Variants in PLD5 observed in about 807,000 individuals in gnomAD.
PLD5 encodes the protein phospholipase D family member 5.
In PLD5, 36 loss-of-function variants were observed where a neutral mutation model predicts 61.1. That is an observed-to-expected ratio of 0.59 (90% CI 0.45 to 0.78). The LOEUF is 0.78. Ranked by LOEUF, PLD5 falls within the 30% of genes least tolerant of loss-of-function variation. The pLI is 0.00. For missense variants in PLD5, 515 were observed against 644.4 expected (o/e 0.80, Z 2.17); for synonymous variants, 243 against 242.8 (o/e 1.00, Z -0.01).
chr1:242,173,081 G>A (rs1208958740), intron 5 of PLD5, among the ~76,000 whole-genome samples: 3 of 152,072 alleles, frequency 2.0e-5, no homozygotes, highest in African/African-American at 7.2e-5. Context: ...AAGAAATAAA[G>A]GGTATTCAAT....
chr1:242,352,550 CTTTG>C (rs1660537623), intron 1 of PLD5, among the ~76,000 whole-genome samples: 1 of 152,300 alleles, frequency 6.6e-6, no homozygotes, highest in African/African-American at 2.4e-5. Context: ...GATTTAAAAT[CTTTG>C]GGTAAATACC....
At chr1:242,353,158 T>C (rs1157162371) in intron 1 of PLD5, among the ~76,000 whole-genome samples, 2 of 152,208 alleles carry the variant, frequency 1.3e-5, no homozygotes, top group African/African-American at 4.8e-5. Flanking sequence ...TTTCACGCTT[T>C]CAGGTTTTAT....
At chr1:242,189,452 A>G (rs1668108199) in intron 5 of PLD5, among the ~76,000 whole-genome samples, 1 of 138,158 alleles carries the variant, frequency 7.2e-6, no homozygotes, top group African/African-American at 3.5e-5. Flanking sequence ...TCTCAAAAAA[A>G]AAAAAAAAAA....
intron 1 of PLD5, among the ~76,000 whole-genome samples, chr1:242,413,240 G>A (rs760506746): frequency 3.3e-5 from 5 of 151,688 alleles, no homozygotes; most frequent in Non-Finnish European, 7.4e-5. Flanking sequence ...TTTTGAGGTT[G>A]GCATTCTCAG....
chr1:242,244,673 A>C lies in PLD5; in HGVS notation c.607+20664T>G, dbSNP rs139838298. On this transcript the variant is annotated intron_variant, in intron 4 of 9. Coordinates refer to ENST00000536534, the MANE Select transcript of PLD5 (RefSeq NM_001372062.1). ...AGTGTTGCTTCCTTACGGAGAATGC[A>C]CTGCAAAAAATTCAGCAGAGCTCAC... is the stretch of plus-strand genomic sequence containing the variant. Among the ~76,000 whole-genome samples the C allele has an allele frequency of 4.4e-3, 671 of 152,344 alleles. 14 individuals carry two copies. The highest frequency in any genetic ancestry group is 0.027 in the Admixed American group (415 of 15,314).
intron 5 of PLD5, among the ~76,000 whole-genome samples, chr1:242,195,208 T>C (rs1051773388): frequency 6.6e-6 from 1 of 152,178 alleles, no homozygotes; most frequent in African/African-American, 2.4e-5. Context: ...GTCACCTAAA[T>C]GTCCTGCAGG....
chr1:242,478,535 C>G (rs1667669338), intron 1 of PLD5, among the ~76,000 whole-genome samples: 1 of 152,200 alleles, frequency 6.6e-6, no homozygotes, highest in African/African-American at 2.4e-5. Context: ...TGATATACAA[C>G]TTTCTGACCT....
At chr1:242,434,668 T>C (rs918522239) in intron 1 of PLD5, among the ~76,000 whole-genome samples, 7 of 152,086 alleles carry the variant, frequency 4.6e-5, no homozygotes, top group Non-Finnish European at 7.4e-5. Context: ...GGCTAGAGTG[T>C]AGTGGTGCAA....
intron 5 of PLD5, among the ~76,000 whole-genome samples, chr1:242,207,984 A>C (rs1193919462): frequency 1.5e-5 from 1 of 68,294 alleles, no homozygotes; most frequent in African/African-American, 5.7e-5. Context: ...TTTTATATAT[A>C]TATTTATACA....
chr1:242,429,701 C>T (rs948401544), intron 1 of PLD5, among the ~76,000 whole-genome samples: 7 of 152,150 alleles, frequency 4.6e-5, no homozygotes, highest in African/African-American at 1.7e-4. Context: ...TCATTGCTTC[C>T]TTTCTGTATT....
intron 1 of PLD5, among the ~76,000 whole-genome samples, chr1:242,371,382 C>G (rs1486679520): frequency 6.6e-6 from 1 of 152,072 alleles, no homozygotes; most frequent in Non-Finnish European, 1.5e-5. Flanking sequence ...CTACCAAAAG[C>G]TCACTACTTA....
chr1:242,414,651 T>A (rs1052323197), intron 1 of PLD5, among the ~76,000 whole-genome samples: 5 of 152,104 alleles, frequency 3.3e-5, no homozygotes, highest in Admixed American at 2.6e-4. Context: ...CATCAAAGAC[T>A]CGGATGTAAA....
chr1:242,284,599 T>A (rs1350909459), intron 3 of PLD5, among the ~76,000 whole-genome samples: 1 of 152,178 alleles, frequency 6.6e-6, no homozygotes, highest in Non-Finnish European at 1.5e-5. Context: ...TTCTGCATGC[T>A]TGCTCTTTAA....
intron 1 of PLD5, among the ~76,000 whole-genome samples, chr1:242,521,670 T>TTAATTATTA (rs1553272524): frequency 6.6e-6 from 1 of 152,180 alleles, no homozygotes; most frequent in Non-Finnish European, 1.5e-5. Context: ...TCCATTTGAT[T>TTAATTATTA]AGACAGACCA....
chr1:242,353,206 G>A (rs781214684), intron 1 of PLD5, among the ~76,000 whole-genome samples: 32 of 152,206 alleles, frequency 2.1e-4, no homozygotes, highest in Non-Finnish European at 4.0e-4. Context: ...TTTGTATACA[G>A]TGTGTATACA....
chr1:242,325,605 GTT>G (rs199803645), intron 2 of PLD5, among the ~76,000 whole-genome samples: 1 of 151,260 alleles, frequency 6.6e-6, no homozygotes, highest in Admixed American at 6.6e-5. Context: ...TCAAGTTGTT[GTT>G]TTTTTTTAAA....
At chr1:242,099,292 T>C (rs1660498195) in intron 9 of PLD5, among the ~76,000 whole-genome samples, 1 of 151,852 alleles carries the variant, frequency 6.6e-6, no homozygotes, top group Non-Finnish European at 1.5e-5. Flanking sequence ...CCAGCAAATT[T>C]TTTTGGTATT....
intron 1 of PLD5, among the ~76,000 whole-genome samples, chr1:242,414,612 A>G (rs1664724652): frequency 6.6e-6 from 1 of 152,248 alleles, no homozygotes; most frequent in African/African-American, 2.4e-5. Context: ...CATTTTCCTT[A>G]GTGAATACAT....
intron 1 of PLD5, among the ~76,000 whole-genome samples, chr1:242,423,927 A>C (rs1665280620): frequency 6.6e-6 from 1 of 152,192 alleles, no homozygotes. Flanking sequence ...GTCTGATACA[A>C]TCTTACTCAT....
Sources: gnomAD v4.1 joint callset for allele counts (sites outside exome capture counted in the v4.1 genomes callset) on GRCh38, gnomAD v4.1.1 for gene constraint, MANE v1.5 for transcripts, NCBI Gene and HGNC (gene_info 2026-07-23, HGNC 2026-07-21) for gene names.